The following RUNDC3B variants were observed in gnomAD, a reference collection of about 807,000 sequenced individuals.
RUNDC3B encodes the protein RUN domain-containing protein 3B.
Under a neutral mutation model 58.4 loss-of-function variants are expected in RUNDC3B, and 33 were observed. The observed-to-expected ratio is 0.56, with a 90% CI of 0.43 to 0.75. RUNDC3B has a LOEUF of 0.75. Among genes scored for constraint, RUNDC3B ranks in the 30% least tolerant of loss-of-function variants. The probability of loss-of-function intolerance (pLI) is 0.00; values close to 1 mark genes in which losing one functional copy is unlikely to be tolerated. For missense variants in RUNDC3B, 501 were observed against 535.7 expected, an observed-to-expected ratio of 0.94 and a Z score of 0.64; for synonymous variants, 193 against 195.2, an observed-to-expected ratio of 0.99 and a Z score of 0.10.
intron 2 of RUNDC3B, among the ~76,000 whole-genome samples, chr7:87,687,548 A>G (rs936705577): frequency 6.6e-6 from 1 of 152,176 alleles, no homozygotes; most frequent in Non-Finnish European, 1.5e-5. Flanking sequence ...TACCAGGACT[A>G]AGATCTTCAT....
chr7:87,727,361 T>C (rs1461526392), intron 4 of RUNDC3B, among the ~76,000 whole-genome samples: 1 of 152,180 alleles, frequency 6.6e-6, no homozygotes, highest in Non-Finnish European at 1.5e-5. Flanking sequence ...CACATGATTA[T>C]CTCATGGATG....
At chr7:87,647,591 T>C (rs1280541433) in intron 1 of RUNDC3B, among the ~76,000 whole-genome samples, 3 of 152,238 alleles carry the variant, frequency 2.0e-5, no homozygotes, top group Non-Finnish European at 4.4e-5. Flanking sequence ...CAGGCAGTTC[T>C]TACTTTGCAT....
intron 2 of RUNDC3B, among the ~76,000 whole-genome samples, chr7:87,694,382 A>T (rs998642256): frequency 2.0e-5 from 3 of 152,250 alleles, no homozygotes; most frequent in African/African-American, 7.2e-5. Flanking sequence ...GCCTTTATTT[A>T]CTTATTCAAA....
intron 4 of RUNDC3B, among the ~76,000 whole-genome samples, chr7:87,729,048 ATCTG>A (rs200873611): frequency 0.013 from 1,958 of 152,228 alleles, 39 homozygotes; most frequent in African/African-American, 0.045. Context: ...CTTTTTAAAA[ATCTG>A]TCTATCTTAT....
chr7:87,765,997 A>C (rs748313190), intron 6 of RUNDC3B, among the ~76,000 whole-genome samples: 1 of 152,284 alleles, frequency 6.6e-6, no homozygotes, highest in Non-Finnish European at 1.5e-5. Flanking sequence ...ATATATATTT[A>C]GAACAGTTAA....
At chr7:87,743,375 CCT>C (rs981260512) in intron 6 of RUNDC3B, among the ~76,000 whole-genome samples, 2 of 152,156 alleles carry the variant, frequency 1.3e-5, no homozygotes, top group African/African-American at 4.8e-5. Flanking sequence ...ACTTTTAGTT[CCT>C]TAAGGAATCT....
At chr7:87,638,345 TTGTGTGTGTGTG>T (rs71524692) in intron 1 of RUNDC3B, among the ~76,000 whole-genome samples, 6 of 144,694 alleles carry the variant, frequency 4.1e-5, no homozygotes, top group East Asian at 2.0e-4. Context: ...AAGTATGTGT[TTGTGTGTGTGTG>T]TGTGTGTGTG....
At chr7:87,687,949 C>A (rs536244162) in intron 2 of RUNDC3B, among the ~76,000 whole-genome samples, 1 of 152,088 alleles carries the variant, frequency 6.6e-6, no homozygotes, top group Non-Finnish European at 1.5e-5. Flanking sequence ...TGAAGATTTT[C>A]CAACTTTTGT....
chr7:87,721,749 T>C (rs1361660519), intron 4 of RUNDC3B, among the ~76,000 whole-genome samples: 1 of 152,004 alleles, frequency 6.6e-6, no homozygotes, highest in Admixed American at 6.6e-5. Flanking sequence ...TTCTCACTGT[T>C]ATGCTCCTAT....
intron 10 of RUNDC3B, among the ~76,000 whole-genome samples, chr7:87,820,946 A>C (rs1460856921): frequency 6.6e-6 from 1 of 151,708 alleles, no homozygotes; most frequent in Non-Finnish European, 1.5e-5. Flanking sequence ...CTGAATGGGC[A>C]AAAACTGGAA....
At chr7:87,703,915 T>TTTTTTTTTTTTTTTTTTTG (rs1829353061) in intron 3 of RUNDC3B, among the ~76,000 whole-genome samples, 3 of 18,530 alleles carry the variant, frequency 1.6e-4, no homozygotes, top group Non-Finnish European at 2.2e-4. Context: ...TTTTTTTTGG[T>TTTTTTTTTTTTTTTTTTTG]TTTTTTTTTT....
intron 2 of RUNDC3B, among the ~76,000 whole-genome samples, chr7:87,699,970 A>C: frequency 6.6e-6 from 1 of 152,148 alleles, no homozygotes; most frequent in Non-Finnish European, 1.5e-5. Flanking sequence ...AAGTATCCTT[A>C]TGAAGAGGAG....
intron 6 of RUNDC3B, among the ~76,000 whole-genome samples, chr7:87,756,629 G>A (rs980038214): frequency 1.3e-5 from 2 of 151,952 alleles, no homozygotes; most frequent in Non-Finnish European, 2.9e-5. Flanking sequence ...GTAGTAGTCT[G>A]AATAAGTGAG....
At chr7:87,664,269 T>A (rs1305442749) in intron 2 of RUNDC3B, among the ~76,000 whole-genome samples, 1 of 152,110 alleles carries the variant, frequency 6.6e-6, no homozygotes, top group East Asian at 1.9e-4. Context: ...AAGGCTGTAG[T>A]ACACTATTAT....
chr7:87,681,897 G>T (rs1484491910), intron 2 of RUNDC3B, among the ~76,000 whole-genome samples: 1 of 152,154 alleles, frequency 6.6e-6, no homozygotes, highest in Non-Finnish European at 1.5e-5. Context: ...TTCCTTTCAT[G>T]AAAGGTTTCT....
chr7:87,821,961 C>G (rs970031365), intron 10 of RUNDC3B, among the ~76,000 whole-genome samples: 8 of 151,780 alleles, frequency 5.3e-5, no homozygotes, highest in Admixed American at 5.3e-4. Flanking sequence ...TAGGCAATAC[C>G]ATTCAGGACA....
intron 10 of RUNDC3B, among the ~76,000 whole-genome samples, chr7:87,816,835 A>T (rs1234258323): frequency 6.6e-6 from 1 of 152,118 alleles, no homozygotes; most frequent in Non-Finnish European, 1.5e-5. Context: ...GCTAGTTTGA[A>T]TTATATGGTC....
At chr7:87,809,222 C>T (rs1425000870) in intron 9 of RUNDC3B, among the ~76,000 whole-genome samples, 1 of 152,166 alleles carries the variant, frequency 6.6e-6, no homozygotes, top group African/African-American at 2.4e-5. Flanking sequence ...AGATTTTATA[C>T]TTCTTGACTC....
chr7:87,719,532 G>A (rs1436293678), intron 4 of RUNDC3B, among the ~76,000 whole-genome samples: 1 of 151,796 alleles, frequency 6.6e-6, no homozygotes, highest in Non-Finnish European at 1.5e-5. Flanking sequence ...GAAAGCTGTA[G>A]TATAGGGGAA....
Sources: allele counts gnomAD v4.1 joint callset (sites outside exome capture counted in the v4.1 genomes callset), GRCh38; gene constraint gnomAD v4.1.1; transcripts MANE v1.5; gene names NCBI Gene and HGNC (gene_info 2026-07-23, HGNC 2026-07-21).